The following EGFR variants were observed in gnomAD, a reference collection of about 807,000 sequenced individuals.
EGFR encodes the protein epidermal growth factor receptor, also known as avian erythroblastic leukemia viral (v-erb-b) oncogene homolog.
A neutral mutation model predicts 143.0 loss-of-function variants in EGFR; 58 were observed. The ratio of observed to expected loss-of-function variants is 0.41; its 90% confidence interval spans 0.33 to 0.50. The LOEUF (loss-of-function observed/expected upper bound fraction) is 0.50. Ranked by LOEUF, EGFR falls within the 20% of genes least tolerant of loss-of-function variation. The pLI is 0.39. For missense variants in EGFR, 1,307 were observed against 1,579.0 expected (o/e 0.83, Z 2.92); for synonymous variants, 613 against 594.4 (o/e 1.03, Z -0.45).
At chr7:55,036,271 T>TGTGGGGGGG (rs1414370413) in intron 1 of EGFR, among the ~76,000 whole-genome samples, 1 of 22,380 alleles carries the variant, frequency 4.5e-5, no homozygotes, top group African/African-American at 1.8e-4. Flanking sequence ...TGTGTGTGTG[T>TGTGGGGGGG]GGGGGGGGGG....
In EGFR at chr7:55,026,558, C is replaced by T. The variant is rs184816163; in HGVS notation, c.88+7193C>T. ...AATAACATCTCCAACCGGAAACATT[C>T]GAAACTCCTCCTCGACCAGAGACAT... On this transcript the variant is annotated intron_variant, in intron 1 of 27. Coordinates refer to ENST00000275493, the MANE Select transcript of EGFR (RefSeq NM_005228.5). Among the ~76,000 whole-genome samples the T allele has an allele frequency of 5.8e-4, 88 of 152,312 alleles. 1 individual carries two copies. In the East Asian group the frequency reaches 0.016, roughly 28 times the overall value.
chr7:55,113,911 C>A (rs1792670605), intron 1 of EGFR, among the ~76,000 whole-genome samples: 1 of 152,094 alleles, frequency 6.6e-6, no homozygotes, highest in Non-Finnish European at 1.5e-5. Context: ...CAGCTGCTGC[C>A]AAGCCAGGCC....
Position 55,070,153 on chromosome 7 carries a change from T to C in EGFR, c.88+50788T>C, listed in dbSNP as rs141053748. Among the ~76,000 whole-genome samples, 225 of 152,346 alleles carry C rather than the reference T, an allele frequency of 1.5e-3. 2 individuals are homozygous for C. Among genetic ancestry groups the C allele is most frequent in the African/African-American group, 5.0e-3 (208 of 41,576 alleles). On this transcript the variant is annotated intron_variant, in intron 1 of 27. Coordinates refer to ENST00000275493, the MANE Select transcript of EGFR (RefSeq NM_005228.5). ...CTGTATCCCACCTTTCTCTGAATGTTACATTTTCTCCCCTATCCCAGGCTG... is the reference window on the plus strand; with the variant it reads ...CTGTATCCCACCTTTCTCTGAATGTCACATTTTCTCCCCTATCCCAGGCTG...
chr7:55,051,549 C>T (rs1166872390), intron 1 of EGFR, among the ~76,000 whole-genome samples: 1 of 152,106 alleles, frequency 6.6e-6, no homozygotes, highest in African/African-American at 2.4e-5. Context: ...GGCACCATGC[C>T]CTGGGACTTT....
intron 13 of EGFR, among the ~76,000 whole-genome samples, chr7:55,162,215 G>A (rs186574762): frequency 5.7e-4 from 87 of 152,320 alleles, no homozygotes; most frequent in African/African-American, 1.7e-3. Context: ...ATTGATGTAA[G>A]GCTTTGAACG....
intron 5 of EGFR, chr7:55,152,317 C>T (rs1281406342): frequency 1.4e-6 from 1 of 728,694 alleles, no homozygotes; most frequent in South Asian, 1.4e-5. Context: ...TAGCAGGTCT[C>T]AAAGTCTAGA....
intron 1 of EGFR, among the ~76,000 whole-genome samples, chr7:55,116,471 G>T (rs746098867): frequency 1.8e-4 from 28 of 152,202 alleles, no homozygotes; most frequent in Non-Finnish European, 4.1e-4. Flanking sequence ...TTTGCTCAGA[G>T]GGAGCAGCCT....
At chr7:55,200,044 C>G (rs1421921324) in intron 23 of EGFR, among the ~76,000 whole-genome samples, 1 of 152,200 alleles carries the variant, frequency 6.6e-6, no homozygotes, top group Non-Finnish European at 1.5e-5. Context: ...TCCCCTCAGG[C>G]GTAACACAGG....
intron 1 of EGFR, among the ~76,000 whole-genome samples, chr7:55,028,547 C>A (rs1232563806): frequency 2.0e-5 from 3 of 152,074 alleles, no homozygotes; most frequent in Non-Finnish European, 4.4e-5. Flanking sequence ...TCATTGAATA[C>A]CTGAAAGCTT....
intron 1 of EGFR, 43 bp downstream of exon 1, chr7:55,019,408 C>G: frequency 7.8e-7 from 1 of 1,288,694 alleles, no homozygotes; most frequent in Non-Finnish European, 1.0e-6. Flanking sequence ...CCCCGGATCG[C>G]GCCCCGGACC....
chr7:55,145,127 G>A (rs533453509), intron 3 of EGFR, among the ~76,000 whole-genome samples: 2 of 152,254 alleles, frequency 1.3e-5, no homozygotes, highest in South Asian at 4.2e-4. Flanking sequence ...TCCCTCACGT[G>A]TGCTGGCCCT....
Position 55,143,437 on chromosome 7 carries a change from T to G in EGFR, c.373T>G (p.Tyr125Asp), listed in dbSNP as rs1794580640. The G allele has an allele frequency of 6.2e-7, 1 of 1,614,228 alleles. No homozygotes were observed. The highest frequency in any genetic ancestry group is 2.2e-5 in the East Asian group (1 of 44,890). Residue 125 changes from tyrosine (Y) to aspartate (D), a missense_variant, in exon 3 of 28, where the codon TAT becomes GAT. Physicochemically the swap from Tyr to Asp is radical, Grantham distance 160. Transcript: ENST00000275493. ...CTATGCCTTAGCAGTCTTATCTAAC[T>G]ATGATGCAAATAAAACCGGACTGAA... The part of the protein sequence containing the change: ...NSYALAVLSN[Y>D]DANKTGLKEL...
chr7:55,069,255 G>A (rs1179053258), intron 1 of EGFR, among the ~76,000 whole-genome samples: 2 of 152,074 alleles, frequency 1.3e-5, no homozygotes, highest in Non-Finnish European at 2.9e-5. Flanking sequence ...GAATTTTATC[G>A]AGGTGGCCCT....
At chr7:55,052,190 T>G (rs1338941455) in intron 1 of EGFR, among the ~76,000 whole-genome samples, 1 of 152,204 alleles carries the variant, frequency 6.6e-6, no homozygotes, top group Non-Finnish European at 1.5e-5. Context: ...AAAGTTCCCC[T>G]CTCCTGGGTA....
At chr7:55,042,918 C>T (rs779582006) in intron 1 of EGFR, among the ~76,000 whole-genome samples, 26 of 152,172 alleles carry the variant, frequency 1.7e-4, no homozygotes, top group Middle Eastern at 3.4e-3. Flanking sequence ...GCTGTGTTTA[C>T]GATAGACTCT....
chr7:55,035,675 ACT>A (rs1787522131), intron 1 of EGFR, among the ~76,000 whole-genome samples: 1 of 146,600 alleles, frequency 6.8e-6, no homozygotes, highest in Non-Finnish European at 1.5e-5. Context: ...ACAGAGCAAG[ACT>A]CTGTCTCGGA....
intron 1 of EGFR, among the ~76,000 whole-genome samples, chr7:55,041,714 G>T (rs1023980653): frequency 6.6e-6 from 1 of 152,138 alleles, no homozygotes; most frequent in East Asian, 1.9e-4. Context: ...TACTTCAATT[G>T]TAATACCTAG....
chr7:55,171,646 T>C (rs1786359006), intron 16 of EGFR, among the ~76,000 whole-genome samples: 1 of 152,190 alleles, frequency 6.6e-6, no homozygotes, highest in Non-Finnish European at 1.5e-5. Flanking sequence ...TCTCCTTGCT[T>C]TCTTTCCCAG....
chr7:55,142,913 GGA>G (rs1794545669), intron 2 of EGFR, among the ~76,000 whole-genome samples: 1 of 152,130 alleles, frequency 6.6e-6, no homozygotes, highest in Non-Finnish European at 1.5e-5. Context: ...ACTGAATTTT[GGA>G]TGGGGTTTAC....
Sources: gnomAD v4.1 joint callset for allele counts (sites outside exome capture counted in the v4.1 genomes callset) on GRCh38, gnomAD v4.1.1 for gene constraint, MANE v1.5 for transcripts, NCBI Gene and HGNC (gene_info 2026-07-23, HGNC 2026-07-21) for gene names.